Variants in CNTN4 observed in about 807,000 individuals in gnomAD.
CNTN4 encodes contactin-4.
A neutral mutation model predicts 122.5 loss-of-function variants in CNTN4; 77 were observed. That is an observed-to-expected ratio of 0.63 (90% CI 0.52 to 0.76). The LOEUF is 0.76. Among genes scored for constraint, CNTN4 ranks in the 30% least tolerant of loss-of-function variants. CNTN4 has a pLI of 0.00. For missense variants in CNTN4, 1,256 were observed against 1,259.1 expected, an observed-to-expected ratio of 1.00 and a Z score of 0.04; for synonymous variants, 512 against 447.0, an observed-to-expected ratio of 1.15 and a Z score of -1.83.
chr3:2,293,928 GGTCAGCA>G (rs1248142817), intron 2 of CNTN4, among the ~76,000 whole-genome samples: 5 of 152,150 alleles, frequency 3.3e-5, no homozygotes, highest in African/African-American at 9.7e-5. Context: ...CAATTCTGGA[GGTCAGCA>G]GTTTTGACTG....
intron 3 of CNTN4, among the ~76,000 whole-genome samples, chr3:2,380,984 T>G (rs1249683580): frequency 6.6e-6 from 1 of 151,950 alleles, no homozygotes; most frequent in Admixed American, 6.6e-5. Flanking sequence ...ACCTTTCCCT[T>G]CTTTTGTTTT....
intron 2 of CNTN4, among the ~76,000 whole-genome samples, chr3:2,123,126 T>G (rs1190585184): frequency 6.6e-6 from 1 of 152,194 alleles, no homozygotes; most frequent in African/African-American, 2.4e-5. Context: ...CCAGACACAG[T>G]GGAGTTTATG....
chr3:2,367,491 GA>G (rs2045438153), intron 3 of CNTN4, among the ~76,000 whole-genome samples: 1 of 152,198 alleles, frequency 6.6e-6, no homozygotes. Context: ...TCTACTGATG[GA>G]AAAATGTCAC....
At chr3:3,026,478 C>A (rs867501688) in intron 15 of CNTN4, among the ~76,000 whole-genome samples, 1 of 152,136 alleles carries the variant, frequency 6.6e-6, no homozygotes, top group African/African-American at 2.4e-5. Context: ...CTAACTGGCA[C>A]CAATCCTACA....
At chr3:2,733,088 A>C (rs1467166859) in intron 4 of CNTN4, among the ~76,000 whole-genome samples, 1 of 152,232 alleles carries the variant, frequency 6.6e-6, no homozygotes, top group Admixed American at 6.5e-5. Flanking sequence ...GAAACAGTAC[A>C]GATGTTAATC....
At position 2,385,657 on chromosome 3, in the gene CNTN4, A is replaced by C. The variant is rs940230135; in HGVS notation, c.-89+46424A>C. 3.3e-5 allele frequency among the ~76,000 whole-genome samples: 5 copies of C among 152,056 alleles called. No homozygotes were observed. The highest frequency in any genetic ancestry group is 1.2e-4 in the African/African-American group (5 of 41,438). On this transcript the variant is annotated intron_variant, in intron 3 of 24. Coordinates refer to ENST00000418658, the MANE Select transcript of CNTN4 (RefSeq NM_175607.3). This position sits in a 1 kb window ranked among gnomAD's most constrained non-coding sequence, Gnocchi z 4.0. Reference sequence around the variant, plus strand: ...CTGCAGCTTGTGGGAGCATAACTCCAAGCTCATCTCTCATCCTCCATCTTC... The same window carrying C: ...CTGCAGCTTGTGGGAGCATAACTCCCAGCTCATCTCTCATCCTCCATCTTC...
chr3:2,553,256 G>A (rs1441403538), intron 3 of CNTN4, among the ~76,000 whole-genome samples: 1 of 152,152 alleles, frequency 6.6e-6, no homozygotes, highest in Non-Finnish European at 1.5e-5. Context: ...CCTCCCATGA[G>A]AATGGTGGAC....
At position 2,929,147 on chromosome 3, in the gene CNTN4, A is replaced by C. The variant is rs76277051; in HGVS notation, c.1358+3368A>C. Among the ~76,000 whole-genome samples the C allele has an allele frequency of 2.4e-4, 37 of 152,312 alleles. 1 individual carries two copies. The East Asian group carries it at 5.6e-3, about 23-fold the overall frequency. On this transcript the variant is annotated intron_variant, in intron 13 of 24. Coordinates refer to ENST00000418658, the MANE Select transcript of CNTN4 (RefSeq NM_175607.3). ...TATTGTCTTGTGTGTGTCTCCAGCA[A>C]TCAGTGTAGGCAATATCAGGCATTT...
At chr3:2,856,238 C>A (rs996718316) in intron 7 of CNTN4, among the ~76,000 whole-genome samples, 2 of 152,236 alleles carry the variant, frequency 1.3e-5, no homozygotes, top group African/African-American at 4.8e-5. Flanking sequence ...AGATGAGCAA[C>A]TGAACTATTC....
intron 6 of CNTN4, among the ~76,000 whole-genome samples, chr3:2,759,361 G>T (rs1346343706): frequency 6.6e-6 from 1 of 152,020 alleles, no homozygotes; most frequent in Non-Finnish European, 1.5e-5. Context: ...TCACCATGTT[G>T]GTCTTGAACT....
chr3:2,273,567 A>G (rs1234690807), intron 2 of CNTN4, among the ~76,000 whole-genome samples: 1 of 152,212 alleles, frequency 6.6e-6, no homozygotes, highest in Non-Finnish European at 1.5e-5. Flanking sequence ...GTAGATGGGA[A>G]CAGGATTTTC....
intron 2 of CNTN4, among the ~76,000 whole-genome samples, chr3:2,295,613 T>C (rs1283232572): frequency 2.0e-5 from 3 of 152,162 alleles, no homozygotes; most frequent in Admixed American, 2.0e-4. Flanking sequence ...GAAAATTTTC[T>C]CCCATTCTAT....
rs141562914 is a variant in CNTN4, at chr3:2,549,582, A to G, written c.-88-21834A>G. On this transcript the variant is annotated intron_variant, in intron 3 of 24. Transcript: ENST00000418658. ...TCATGGTGGATAAGCTTTTTGATGT[A>G]CTGCTGAATTCCTTTTGCCAGTATT... Among the ~76,000 whole-genome samples, 6 of 152,134 alleles carry G rather than the reference A, an allele frequency of 3.9e-5. No individual in the cohort carries two copies. The East Asian group carries it at 9.7e-4, about 25-fold the overall frequency.
At chr3:3,048,097 C>T (rs1239265549) in intron 23 of CNTN4, among the ~76,000 whole-genome samples, 1 of 152,034 alleles carries the variant, frequency 6.6e-6, no homozygotes, top group Non-Finnish European at 1.5e-5. Flanking sequence ...TCAACTACAC[C>T]CCAAGGAAGG....
intron 2 of CNTN4, among the ~76,000 whole-genome samples, chr3:2,108,672 A>T (rs146912566): frequency 2.6e-4 from 39 of 152,330 alleles, no homozygotes; most frequent in African/African-American, 9.4e-4. Flanking sequence ...TTACAGTTTC[A>T]TCATCTGTGT....
At chr3:2,595,579 C>T (rs537662088) in intron 4 of CNTN4, among the ~76,000 whole-genome samples, 2 of 152,220 alleles carry the variant, frequency 1.3e-5, no homozygotes, top group South Asian at 4.2e-4. Flanking sequence ...GATAAGTGGA[C>T]CCCTTGGCTC....
chr3:2,461,267 G>A (rs1199106317), intron 3 of CNTN4, among the ~76,000 whole-genome samples: 8 of 152,046 alleles, frequency 5.3e-5, no homozygotes, highest in Non-Finnish European at 1.0e-4. Flanking sequence ...AATGTTAGTA[G>A]TTATAGAAAA....
chr3:2,983,381 T>C (rs1172068860), intron 13 of CNTN4, among the ~76,000 whole-genome samples: 1 of 152,048 alleles, frequency 6.6e-6, no homozygotes, highest in Non-Finnish European at 1.5e-5. Context: ...TAATGTGTTG[T>C]AGGACTTCAG....
chr3:2,871,672 T>C (rs1448291386), intron 8 of CNTN4, among the ~76,000 whole-genome samples: 2 of 152,138 alleles, frequency 1.3e-5, no homozygotes, highest in Non-Finnish European at 2.9e-5. Context: ...ATAAGAAAAA[T>C]GGCATCAGGA....
Sources: allele counts gnomAD v4.1 joint callset (sites outside exome capture counted in the v4.1 genomes callset), GRCh38; gene constraint gnomAD v4.1.1; non-coding constraint Gnocchi (gnomAD v3.1); transcripts MANE v1.5; gene names NCBI Gene and HGNC (gene_info 2026-07-23, HGNC 2026-07-21).